Variants in MBOAT1 observed in about 807,000 individuals in gnomAD.
The protein encoded by MBOAT1 is membrane-bound glycerophospholipid O-acyltransferase 1.
A neutral mutation model predicts 64.4 loss-of-function variants in MBOAT1; 67 were observed. The observed-to-expected ratio is 1.04, with a 90% CI of 0.85 to 1.27. The LOEUF (loss-of-function observed/expected upper bound fraction) is 1.27, where lower values mean the gene tolerates loss of function less well. Among genes scored for constraint, MBOAT1 ranks in the 50% most tolerant of loss-of-function variants. The pLI, the probability that MBOAT1 is intolerant of heterozygous loss-of-function variation, is 0.00. For synonymous variants in MBOAT1, 229 were observed against 218.9 expected (o/e 1.05, Z -0.41); for missense variants, 563 against 604.6 (o/e 0.93, Z 0.72).
chr6:20,155,997 G>A (rs1429452592), intron 1 of MBOAT1, among the ~76,000 whole-genome samples: 6 of 152,094 alleles, frequency 3.9e-5, no homozygotes, highest in Non-Finnish European at 7.3e-5. Flanking sequence ...GGTCCAGCGC[G>A]GTGGCTCACG....
chr6:20,196,422 A>G (rs904448430), intron 1 of MBOAT1, among the ~76,000 whole-genome samples: 14 of 152,194 alleles, frequency 9.2e-5, no homozygotes, highest in Non-Finnish European at 2.1e-4. Context: ...GTAGATCAGT[A>G]GTTGCCAGGA....
intron 1 of MBOAT1, among the ~76,000 whole-genome samples, chr6:20,182,953 T>C (rs912727916): frequency 2.0e-5 from 3 of 152,154 alleles, no homozygotes; most frequent in African/African-American, 7.2e-5. Flanking sequence ...TTTTCACAGA[T>C]AGAACAGTTT....
chr6:20,163,317 T>A (rs1761917438), intron 1 of MBOAT1, among the ~76,000 whole-genome samples: 1 of 152,310 alleles, frequency 6.6e-6, no homozygotes, highest in Admixed American at 6.5e-5. Context: ...AAAGAAAACA[T>A]TCCCATTAAA....
chr6:20,172,970 C>G (rs968376999), intron 1 of MBOAT1, among the ~76,000 whole-genome samples: 1 of 152,176 alleles, frequency 6.6e-6, no homozygotes, highest in African/African-American at 2.4e-5. Flanking sequence ...CTGTCATCCC[C>G]TTGGTGCTGT....
At chr6:20,151,894 T>C (rs976506876) in intron 2 of MBOAT1, among the ~76,000 whole-genome samples, 3 of 152,226 alleles carry the variant, frequency 2.0e-5, no homozygotes, top group African/African-American at 2.4e-5. Context: ...CCAGGACTTA[T>C]ACCCACGTCT....
intron 3 of MBOAT1, among the ~76,000 whole-genome samples, chr6:20,148,694 T>C (rs994663745): frequency 2.6e-5 from 4 of 152,180 alleles, no homozygotes; most frequent in African/African-American, 9.6e-5. Context: ...CCTAGAGCTC[T>C]TTCCATAAAC....
At chr6:20,191,895 G>A (rs1224211233) in intron 1 of MBOAT1, among the ~76,000 whole-genome samples, 1 of 151,992 alleles carries the variant, frequency 6.6e-6, no homozygotes, top group Non-Finnish European at 1.5e-5. Flanking sequence ...ACAAATAAGG[G>A]TACCTATGGC....
intron 1 of MBOAT1, among the ~76,000 whole-genome samples, chr6:20,168,286 T>C (rs1486686314): frequency 2.6e-5 from 4 of 152,114 alleles, no homozygotes; most frequent in Admixed American, 6.6e-5. Context: ...TACTATAGTG[T>C]CATGTTTCTT....
intron 1 of MBOAT1, among the ~76,000 whole-genome samples, chr6:20,179,228 G>A (rs1421769076): frequency 3.3e-5 from 5 of 151,796 alleles, no homozygotes; most frequent in African/African-American, 1.2e-4. Flanking sequence ...AAAACCCTCA[G>A]CTGTAGGGCA....
At chr6:20,124,335 C>T (rs551078758) in intron 8 of MBOAT1, 73 bp downstream of exon 8, 5 of 1,474,814 alleles carry the variant, frequency 3.4e-6, no homozygotes, top group African/African-American at 2.8e-5. Flanking sequence ...TGATCCAAAA[C>T]GTCGTTCTGG....
chr6:20,104,444 A>C (rs567263911), intron 12 of MBOAT1, among the ~76,000 whole-genome samples: 20 of 152,362 alleles, frequency 1.3e-4, no homozygotes, highest in African/African-American at 4.8e-4. Flanking sequence ...AATAAAAAAA[A>C]CAAGTTTTGC....
intron 12 of MBOAT1, among the ~76,000 whole-genome samples, chr6:20,108,427 A>G (rs1760023192): frequency 1.3e-5 from 2 of 151,976 alleles, no homozygotes; most frequent in Non-Finnish European, 2.9e-5. Flanking sequence ...TTATCACCTA[A>G]CTCCTAGTAT....
chr6:20,154,337 G>T (rs935357516), intron 1 of MBOAT1, among the ~76,000 whole-genome samples: 4 of 152,126 alleles, frequency 2.6e-5, no homozygotes, highest in African/African-American at 9.7e-5. Flanking sequence ...TTTGAGACCA[G>T]ACTGGCCAAA....
At chr6:20,154,111 G>T (rs1256193398) in intron 1 of MBOAT1, among the ~76,000 whole-genome samples, 1 of 152,214 alleles carries the variant, frequency 6.6e-6, no homozygotes, top group Non-Finnish European at 1.5e-5. Context: ...GGCTGAGCTG[G>T]GAGGTAGAGC....
chr6:20,121,798 TTC>T (rs70990009), intron 8 of MBOAT1, among the ~76,000 whole-genome samples: 12,133 of 149,144 alleles, frequency 0.081, 521 homozygotes, highest in South Asian at 0.13. Context: ...ATTAGATATA[TTC>T]TCTCTCTCTC....
intron 1 of MBOAT1, among the ~76,000 whole-genome samples, chr6:20,156,270 C>CAA (rs371464826): frequency 0.13 from 12,776 of 100,694 alleles, 643 homozygotes; most frequent in South Asian, 0.14. Context: ...GACTCCCTCT[C>CAA]AAAAAAAAAA....
Position 20,109,705 on chromosome 6 carries a change from G to C in MBOAT1, c.1254C>G (p.Leu418=), listed in dbSNP as rs946261836. 2 of 1,614,106 alleles carry C rather than the reference G, an allele frequency of 1.2e-6. No individual in the cohort carries two copies. Among genetic ancestry groups the C allele is most frequent in the African/African-American group, 1.3e-5 (1 of 75,018 alleles). Reference sequence around the variant, plus strand: ...AGGTGCCTGCATCATACACAGCCTTGAGAGCTCTTGAAGAAAGGAAGTAAT... The same window carrying C: ...AGGTGCCTGCATCATACACAGCCTTCAGAGCTCTTGAAGAAAGGAAGTAAT... ...YRHYFLSSRA[L]KAVYDAGTWA... The change falls in exon 12 of 13, where the codon CTC becomes CTG. Residue 418 remains leucine, a synonymous_variant. Coordinates refer to ENST00000324607, the MANE Select transcript of MBOAT1 (RefSeq NM_001080480.3).
chr6:20,178,654 T>C (rs1762422851), intron 1 of MBOAT1, among the ~76,000 whole-genome samples: 1 of 152,150 alleles, frequency 6.6e-6, no homozygotes, highest in South Asian at 2.1e-4. Context: ...TTAATAGTTA[T>C]TGTTATTGTT....
At chr6:20,193,473 C>T (rs72826622) in intron 1 of MBOAT1, among the ~76,000 whole-genome samples, 23,963 of 151,896 alleles carry the variant, frequency 0.16, 2,842 homozygotes, top group African/African-American at 0.33. Context: ...ATGGTAAATG[C>T]ATGAAGATTT....
Sources: allele counts gnomAD v4.1 joint callset (sites outside exome capture counted in the v4.1 genomes callset), GRCh38; gene constraint gnomAD v4.1.1; transcripts MANE v1.5; gene names NCBI Gene and HGNC (gene_info 2026-07-23, HGNC 2026-07-21).